The following PRRC2B variants were observed in gnomAD, a reference collection of about 807,000 sequenced individuals.
PRRC2B encodes the protein proline rich coiled-coil 2B, also known as protein PRRC2B.
PRRC2B carries 68 observed loss-of-function variants against 242.3 expected under a neutral mutation model. The ratio of observed to expected loss-of-function variants is 0.28; its 90% confidence interval spans 0.23 to 0.34. The LOEUF (loss-of-function observed/expected upper bound fraction) is 0.34, where lower values mean the gene tolerates loss of function less well. Ranked by LOEUF, PRRC2B falls within the 10% of genes least tolerant of loss-of-function variation. The probability of loss-of-function intolerance (pLI) is 1.00; values close to 1 mark genes in which losing one functional copy is unlikely to be tolerated. For synonymous variants in PRRC2B, 1,228 were observed against 1,173.6 expected, an observed-to-expected ratio of 1.05 and a Z score of -0.95; for missense variants, 2,835 against 2,954.8, an observed-to-expected ratio of 0.96 and a Z score of 0.94.
At chr9:131,456,818 A>G (rs1246903980) in intron 10 of PRRC2B, among the ~76,000 whole-genome samples, 5 of 152,200 alleles carry the variant, frequency 3.3e-5, no homozygotes, top group Admixed American at 1.3e-4. Context: ...AAAATTAATA[A>G]TAACAATCAT....
intron 10 of PRRC2B, among the ~76,000 whole-genome samples, chr9:131,457,652 C>A (rs575893526): frequency 6.6e-6 from 1 of 152,288 alleles, no homozygotes; most frequent in Admixed American, 6.5e-5. Context: ...CTGGGACCTC[C>A]TCCTTTTCCA....
intron 2 of PRRC2B, among the ~76,000 whole-genome samples, chr9:131,432,250 C>G (rs1588247080): frequency 6.6e-6 from 1 of 152,154 alleles, no homozygotes; most frequent in East Asian, 1.9e-4. Context: ...TCCCTTTAGT[C>G]CTGTAATGAG....
intron 11 of PRRC2B, among the ~76,000 whole-genome samples, chr9:131,462,821 G>C (rs941296590): frequency 1.5e-4 from 18 of 116,764 alleles, no homozygotes; most frequent in Non-Finnish European, 2.6e-4. Flanking sequence ...CTGGGTGACA[G>C]AGTGAGACTC....
At chr9:131,467,494 T>C (rs1196352396) in intron 12 of PRRC2B, 69 bp from the exon 13 acceptor site, 1 of 1,353,958 alleles carries the variant, frequency 7.4e-7, no homozygotes, top group African/African-American at 1.4e-5. Context: ...AAGTACTTGT[T>C]TGTAAACACT....
intron 1 of PRRC2B, among the ~76,000 whole-genome samples, chr9:131,412,297 G>A (rs183876920): frequency 7.2e-5 from 11 of 152,126 alleles, no homozygotes. Context: ...GCTCTTTTGT[G>A]TCTGTCTCCT....
At chr9:131,465,348 C>T (rs762899877) in intron 12 of PRRC2B, among the ~76,000 whole-genome samples, 6 of 152,172 alleles carry the variant, frequency 3.9e-5, no homozygotes, top group Non-Finnish European at 8.8e-5. Flanking sequence ...GATCCTATCA[C>T]CCAGGTACTG....
At chr9:131,420,649 C>G (rs976304286) in intron 1 of PRRC2B, among the ~76,000 whole-genome samples, 2 of 150,812 alleles carry the variant, frequency 1.3e-5, no homozygotes, top group African/African-American at 4.9e-5. Context: ...ACTACCACGC[C>G]CAGCTAATTT....
rs779652033 is a variant in PRRC2B, at chr9:131,459,334, G to T, written c.1382G>T (p.Trp461Leu). Residue 461 changes from tryptophan (W) to leucine (L), a missense_variant, in exon 11 of 32, where the codon TGG (tryptophan) becomes TTG (leucine). Coordinates refer to ENST00000683519, the MANE Select transcript of PRRC2B (RefSeq NM_013318.4). ...CCACCGCCCAGGAAGCTTCATGGCT[G>T]GGCACCAGGCCCTGACTACCAGGTA... ...PQPPPRKLHG[W>L]APGPDYQKSS... 2.5e-6 allele frequency: 4 copies of T among 1,613,554 alleles called. No individual in the cohort carries two copies. The South Asian group carries it at 4.4e-5, about 18-fold the overall frequency.
At chr9:131,476,580 T>G (rs775743750) in intron 16 of PRRC2B, 45 bp downstream of exon 16, 38 of 1,520,582 alleles carry the variant, frequency 2.5e-5, no homozygotes, top group African/African-American at 4.2e-5. Context: ...TTGTGTTCTG[T>G]TCTCAGCAGC....
At chr9:131,399,591 A>C (rs1406196056) in intron 1 of PRRC2B, among the ~76,000 whole-genome samples, 2 of 152,128 alleles carry the variant, frequency 1.3e-5, no homozygotes, top group Non-Finnish European at 2.9e-5. Context: ...AAAAAAGGAA[A>C]ATACTGAAAA....
intron 10 of PRRC2B, among the ~76,000 whole-genome samples, chr9:131,458,810 T>A (rs1296851775): frequency 6.6e-6 from 1 of 152,182 alleles, no homozygotes; most frequent in Admixed American, 6.5e-5. Context: ...GGCCCTCTTA[T>A]AATGTTTTAA....
At position 131,475,400 on chromosome 9, in the gene PRRC2B, G is replaced by C. The variant is rs747955001; in HGVS notation, c.3271G>C (p.Gly1091Arg). Residue 1091 changes from glycine to arginine, a missense_variant, in exon 16 of 32, where the codon GGG (glycine) becomes CGG (arginine). Transcript: ENST00000683519. ...AGGNGSGLCG[G>R]GVLGARSIYC... ...CGGAAATGGGAGCGGCCTCTGTGGT[G>C]GGGGGGTCCTGGGGGCCCGCAGCAT... The C allele has an allele frequency of 1.9e-6, 3 of 1,581,138 alleles. No homozygotes were observed. The highest frequency in any genetic ancestry group is 4.5e-5 in the East Asian group (2 of 44,560).
Position 131,470,783 on chromosome 9 carries a change from G to A in PRRC2B, c.1912-5G>A. 1 of 1,610,526 alleles carries A rather than the reference G, an allele frequency of 6.2e-7. No individual in the cohort carries two copies. Among genetic ancestry groups the A allele is most frequent in the Non-Finnish European group, 8.5e-7 (1 of 1,178,264 alleles). On this transcript the variant is annotated splice_polypyrimidine_tract_variant and splice_region_variant and intron_variant, in intron 13 of 31. Transcript: ENST00000683519. ...CTGACCAAGTCTCTCTCTCTCTGTG[G>A]GCAGGAGCAGCTGTACAAGATGCAG...
chr9:131,407,966 C>T (rs75392306), intron 1 of PRRC2B, among the ~76,000 whole-genome samples: 8,493 of 152,248 alleles, frequency 0.056, 311 homozygotes, highest in Admixed American at 0.11. Flanking sequence ...ATTTCCTCAC[C>T]GGGGTAACGG....
At chr9:131,456,517 G>C (rs1442923142) in intron 10 of PRRC2B, among the ~76,000 whole-genome samples, 5 of 151,948 alleles carry the variant, frequency 3.3e-5, no homozygotes, top group Non-Finnish European at 7.4e-5. Flanking sequence ...TGTAGTCCCA[G>C]CTACTCGGGA....
At chr9:131,486,243 G>A in intron 26 of PRRC2B, 61 bp downstream of exon 26, 1 of 1,113,624 alleles carries the variant, frequency 9.0e-7, no homozygotes, top group Middle Eastern at 2.0e-4. Context: ...GTGCAGGGCG[G>A]AATTGGCTTG....
intron 5 of PRRC2B, among the ~76,000 whole-genome samples, chr9:131,442,146 T>C (rs115068995): frequency 6.6e-6 from 1 of 151,852 alleles, no homozygotes; most frequent in Non-Finnish European, 1.5e-5. Context: ...TTGTTTGTTT[T>C]TTTTTAGGCA....
intron 1 of PRRC2B, among the ~76,000 whole-genome samples, chr9:131,422,567 C>T (rs1368222949): frequency 6.6e-6 from 1 of 152,224 alleles, no homozygotes; most frequent in Admixed American, 6.5e-5. Flanking sequence ...TCCCAGTGCC[C>T]TGGTCAGGCA....
intron 1 of PRRC2B, 36 bp from the exon 2 acceptor site, chr9:131,430,058 C>G: frequency 4.7e-6 from 3 of 633,828 alleles, no homozygotes; most frequent in Non-Finnish European, 2.7e-6. Context: ...TTTTTTCTCT[C>G]TCTTTTTTTT....
Sources: allele counts gnomAD v4.1 joint callset (sites outside exome capture counted in the v4.1 genomes callset), GRCh38; gene constraint gnomAD v4.1.1; transcripts MANE v1.5; gene names NCBI Gene and HGNC (gene_info 2026-07-23, HGNC 2026-07-21).